KLB: variants seen among roughly 807,000 people sequenced by gnomAD.
KLB encodes beta-klotho.
In KLB, 44 loss-of-function variants were observed where a neutral mutation model predicts 88.4. The observed-to-expected ratio is 0.50, with a 90% CI of 0.39 to 0.64. The LOEUF (loss-of-function observed/expected upper bound fraction) is 0.64, where lower values mean the gene tolerates loss of function less well. Among genes scored for constraint, KLB ranks in the 30% least tolerant of loss-of-function variants. The pLI is 0.00. For missense variants in KLB, 1,137 were observed against 1,304.8 expected (o/e 0.87, Z 1.98); for synonymous variants, 548 against 513.4 (o/e 1.07, Z -0.91).
At chr4:39,432,326 G>T (rs1316862072) in intron 1 of KLB, among the ~76,000 whole-genome samples, 1 of 151,908 alleles carries the variant, frequency 6.6e-6, no homozygotes, top group Non-Finnish European at 1.5e-5. Context: ...GAAAATGAGA[G>T]ACCAGGGAAG....
intron 3 of KLB, among the ~76,000 whole-genome samples, chr4:39,440,098 C>T (rs1162123518): frequency 6.6e-6 from 1 of 151,980 alleles, no homozygotes; most frequent in African/African-American, 2.4e-5. Context: ...GCCACCATGC[C>T]CGCTTTTTGT....
Position 39,450,970 on chromosome 4 carries a change from A to G in KLB, c.*2284A>G, listed in dbSNP as rs1195199669. 3 of 152,044 alleles carry G rather than the reference A, an allele frequency of 2.0e-5. No individual in the cohort carries two copies. Among genetic ancestry groups the G allele is most frequent in the Non-Finnish European group, 4.4e-5 (3 of 68,022 alleles). The allele number at this position is 152,044 out of a possible 1,614,324, so 9.4% of individuals were successfully genotyped here. ...TTAAAGTATCTCGTACTCACAGTTCACAAATTAACCTTCACTGTCTCTTTC... is the reference window on the plus strand; with the variant it reads ...TTAAAGTATCTCGTACTCACAGTTCGCAAATTAACCTTCACTGTCTCTTTC... On this transcript the variant is annotated 3_prime_UTR_variant, in exon 5 of 5. Coordinates refer to ENST00000257408, the MANE Select transcript of KLB (RefSeq NM_175737.4).
rs1743821533 is a variant in KLB, at chr4:39,448,753, G to C, written c.*67G>C. ...AGTTCCATATGCTGGTAACTTACAG[G>C]AGATATACCTGTATTATAGAAAGAC... is the stretch of plus-strand genomic sequence containing the variant. On this transcript the variant is annotated 3_prime_UTR_variant, in exon 5 of 5. Transcript: ENST00000257408. The C allele has an allele frequency of 1.4e-6, 2 of 1,402,780 alleles. No homozygotes were observed. The highest frequency in any genetic ancestry group is 1.9e-6 in the Non-Finnish European group (2 of 1,032,364). 86.9% of individuals were successfully genotyped at this position (1,402,780 alleles called of 1,614,324 possible).
At position 39,443,760 on chromosome 4, in the gene KLB, A is replaced by T. The variant is rs76945144; in HGVS notation, c.1606-2572A>T. On this transcript the variant is annotated intron_variant, in intron 3 of 4. Coordinates refer to ENST00000257408, the MANE Select transcript of KLB (RefSeq NM_175737.4). ...TGGGCAACACAGTGAGACTTTGTCA[A>T]AAAAAAAAAAAAAAAAAGAAAAAAG... Among the ~76,000 whole-genome samples, 421 of 48,690 alleles carry T rather than the reference A, an allele frequency of 8.6e-3. 4 individuals carry two copies. Among genetic ancestry groups the T allele is most frequent in the African/African-American group, 0.027 (387 of 14,162 alleles). 31.9% of individuals were successfully genotyped at this position (48,690 alleles called of 152,430 possible). A position where few individuals can be genotyped will look rare whatever the true frequency, so the allele number is the denominator to read the frequency against.
chr4:39,445,503 T>TC (rs1491093196), intron 3 of KLB, among the ~76,000 whole-genome samples: 18 of 133,336 alleles, frequency 1.3e-4, no homozygotes, highest in Non-Finnish European at 3.0e-4. Context: ...ACTTTTCTTT[T>TC]CTTTTTTTTT....
At chr4:39,437,302 C>T (rs1452432850) in intron 2 of KLB, among the ~76,000 whole-genome samples, 1 of 151,944 alleles carries the variant, frequency 6.6e-6, no homozygotes, top group Non-Finnish European at 1.5e-5. Context: ...TTTTTTTTAA[C>T]TCCTTGAAGG....
chr4:39,443,496 G>A (rs1325656766), intron 3 of KLB, among the ~76,000 whole-genome samples: 1 of 151,474 alleles, frequency 6.6e-6, no homozygotes, highest in Non-Finnish European at 1.5e-5. Flanking sequence ...TGTAATCCTA[G>A]CACTTTGGGA....
At chr4:39,426,413 T>TAAAA (rs869183002) in intron 1 of KLB, among the ~76,000 whole-genome samples, 6 of 65,436 alleles carry the variant, frequency 9.2e-5, no homozygotes, top group East Asian at 4.5e-4. Flanking sequence ...GACTCCTATC[T>TAAAA]AAAAAAAAAA....
intron 1 of KLB, among the ~76,000 whole-genome samples, chr4:39,421,285 G>A (rs545516823): frequency 6.6e-6 from 1 of 152,318 alleles, no homozygotes; most frequent in Admixed American, 6.5e-5. Flanking sequence ...ATAGCTGGAG[G>A]TTGAAGGAAA....
At chr4:39,426,413 TAAAAAAAA>T (rs869183002) in intron 1 of KLB, among the ~76,000 whole-genome samples, 1 of 65,436 alleles carries the variant, frequency 1.5e-5, no homozygotes, top group African/African-American at 6.6e-5. Flanking sequence ...GACTCCTATC[TAAAAAAAA>T]AAAAAAAAAA....
rs769587208 is a variant in KLB at position 39,407,738 on chromosome 4, A to C, written c.789A>C (p.Leu263Phe). 4 of 1,606,498 alleles carry C rather than the reference A, an allele frequency of 2.5e-6. No homozygotes were observed. Among genetic ancestry groups the C allele is most frequent in the Non-Finnish European group, 3.4e-6 (4 of 1,173,752 alleles). The change falls in exon 1 of 5, where the codon TTA becomes TTC. Residue 263 changes from leucine (L) to phenylalanine (F), a missense_variant. Transcript: ENST00000257408. ...ATGCCCCTGGAGAGAAGGGAAATTT[A>C]GCAGCTGTCTACACTGTGGGACACA... ...GMHAPGEKGN[L>F]AAVYTVGHNL...
chr4:39,412,555 C>A (rs1185896665), intron 1 of KLB, among the ~76,000 whole-genome samples: 1 of 152,192 alleles, frequency 6.6e-6, no homozygotes, highest in Non-Finnish European at 1.5e-5. Context: ...TTTCTCTCCA[C>A]CCAGCCTCAA....
intron 2 of KLB, among the ~76,000 whole-genome samples, chr4:39,435,039 T>C (rs1364075510): frequency 6.6e-6 from 1 of 152,050 alleles, no homozygotes; most frequent in Non-Finnish European, 1.5e-5. Flanking sequence ...ACTCCTGACC[T>C]TAAGTGATCC....
intron 1 of KLB, among the ~76,000 whole-genome samples, chr4:39,431,814 G>A (rs62310829): frequency 0.063 from 9,537 of 152,258 alleles, 362 homozygotes; most frequent in East Asian, 0.096. Flanking sequence ...CCACAGGATC[G>A]ATCTGGTTTG....
intron 1 of KLB, among the ~76,000 whole-genome samples, chr4:39,427,919 C>T (rs1743256353): frequency 6.6e-6 from 1 of 152,166 alleles, no homozygotes; most frequent in Non-Finnish European, 1.5e-5. Flanking sequence ...GCTGATGAGT[C>T]AGCAGAGCTA....
rs1742745110 is a variant in KLB at position 39,407,099 on chromosome 4, T to G, written c.150T>G (p.Val50=). The change falls in exon 1 of 5, where the codon GTT becomes GTG. Residue 50 remains valine (V), a synonymous_variant. Transcript: ENST00000257408. Reference sequence around the variant, plus strand: ...CAGCACTTATTCTGCTACGAGCTGTTACTGGATTCTCTGGAGATGGAAGAG... The same window carrying G: ...CAGCACTTATTCTGCTACGAGCTGTGACTGGATTCTCTGGAGATGGAAGAG... ...ILSALILLRA[V]TGFSGDGRAI... 2 of 1,614,184 alleles carry G rather than the reference T, an allele frequency of 1.2e-6. No homozygotes were observed.
At chr4:39,441,887 C>T (rs1275395978) in intron 3 of KLB, 1 of 152,032 alleles carries the variant, frequency 6.6e-6, no homozygotes, top group African/African-American at 2.4e-5. Flanking sequence ...ACACTGTGTA[C>T]ACAGAAAACT....
At chr4:39,433,856 T>C (rs1320123907) in intron 1 of KLB, among the ~76,000 whole-genome samples, 2 of 151,996 alleles carry the variant, frequency 1.3e-5, no homozygotes, top group Non-Finnish European at 2.9e-5. Context: ...AAAGACTCTG[T>C]CTCAAAATAA....
Position 39,434,238 on chromosome 4 carries a change from A to G in KLB, c.854A>G (p.Asn285Ser). ...CACTCGAAAGTTTGGCATAACTACAACACACATTTCCGCCCACATCAGAAG... is the reference window on the plus strand; with the variant it reads ...CACTCGAAAGTTTGGCATAACTACAGCACACATTTCCGCCCACATCAGAAG... ...KAHSKVWHNY[N>S]THFRPHQKGW... Residue 285 changes from asparagine (N) to serine (S), a missense_variant, in exon 2 of 5, where the codon AAC (asparagine) becomes AGC (serine). Coordinates refer to ENST00000257408, the MANE Select transcript of KLB (RefSeq NM_175737.4). 1 of 1,612,000 alleles carries G rather than the reference A, an allele frequency of 6.2e-7. No homozygotes were observed. Among genetic ancestry groups the G allele is most frequent in the Non-Finnish European group, 8.5e-7 (1 of 1,178,990 alleles).
Sources: gnomAD v4.1 joint callset for allele counts (sites outside exome capture counted in the v4.1 genomes callset) on GRCh38, gnomAD v4.1.1 for gene constraint, MANE v1.5 for transcripts, NCBI Gene and HGNC (gene_info 2026-07-23, HGNC 2026-07-21) for gene names.